MCF2: variants seen among roughly 807,000 people sequenced by gnomAD.
MCF2 encodes proto-oncogene DBL.
MCF2 carries 44 observed loss-of-function variants against 82.5 expected under a neutral mutation model. The observed-to-expected ratio is 0.53, with a 90% CI of 0.42 to 0.69. The LOEUF (loss-of-function observed/expected upper bound fraction) is 0.69, where lower values mean the gene tolerates loss of function less well. Among genes scored for constraint, MCF2 ranks in the 30% least tolerant of loss-of-function variants. The pLI is 0.00. For synonymous variants in MCF2, 217 were observed against 224.9 expected (o/e 0.96, Z 0.32); for missense variants, 623 against 663.1 (o/e 0.94, Z 0.66).
chrX:139,704,446 T>C (rs1164244739), intron 1 of MCF2, among the ~76,000 whole-genome samples: 3 of 111,991 alleles, frequency 2.7e-5, no homozygotes, highest in Non-Finnish European at 3.8e-5. Context: ...GATACAAAAT[T>C]AATGTACAAA....
intron 6 of MCF2, among the ~76,000 whole-genome samples, chrX:139,623,506 A>G (rs1030771131): frequency 6.6e-4 from 74 of 111,940 alleles, no homozygotes; most frequent in African/African-American, 2.2e-3. Flanking sequence ...GTTGTCACTT[A>G]TAAGTGGAAG....
intron 1 of MCF2, among the ~76,000 whole-genome samples, chrX:139,675,629 G>A (rs1035016084): frequency 4.5e-5 from 5 of 112,257 alleles, no homozygotes; most frequent in South Asian, 3.7e-4. Flanking sequence ...TATCACCAGC[G>A]GAGGCTGCAG....
At chrX:139,657,936 A>T (rs1340295293) in intron 1 of MCF2, among the ~76,000 whole-genome samples, 1 of 111,942 alleles carries the variant, frequency 8.9e-6, no homozygotes, top group Non-Finnish European at 1.9e-5. Context: ...TCCTATCATT[A>T]ATAGCATTCA....
At position 139,609,558 on chromosome X, in the gene MCF2, A is replaced by AAG. The variant is rs1556025451; in HGVS notation, c.1401+741_1401+742dup. The stretch of plus-strand genomic sequence containing the variant: ...AGCGAGACCCTGTCTCAAAAAAAAA[A>AAG]AGAGAGAGAGAAAAGAAAATGTGGG... On this transcript the variant is annotated intron_variant, in intron 11 of 24. Transcript: ENST00000370576. Among the ~76,000 whole-genome samples the AAG allele has an allele frequency of 1.6e-4, 18 of 110,488 alleles. No homozygotes were observed. In the East Asian group the frequency reaches 4.6e-3, roughly 28 times the overall value.
chrX:139,601,748 C>G (rs1242254004), intron 16 of MCF2, among the ~76,000 whole-genome samples: 1 of 110,985 alleles, frequency 9.0e-6, no homozygotes, highest in South Asian at 3.8e-4. Context: ...CGCAACAAGC[C>G]TAGTGAGTCT....
chrX:139,698,915 T>C (rs1010683934), intron 1 of MCF2, among the ~76,000 whole-genome samples: 1 of 111,732 alleles, frequency 8.9e-6, no homozygotes, highest in Admixed American at 9.6e-5. Context: ...ATAATGTTTG[T>C]AAGCACTTTT....
At chrX:139,642,684 A>G in exon 1 of MCF2, 1 of 749,147 alleles carries the variant, frequency 1.3e-6, no homozygotes, top group East Asian at 5.0e-5. Context: ...CTGGGGAGGA[A>G]AAAAAAAAAA....
intron 3 of MCF2, among the ~76,000 whole-genome samples, 176 bp from the exon 7 acceptor site, chrX:139,630,020 C>G: frequency 9.0e-6 from 1 of 111,711 alleles, no homozygotes. Context: ...AACTCTTCAT[C>G]TAAAACTCTA....
chrX:139,666,644 C>T (rs1193097373), intron 1 of MCF2, among the ~76,000 whole-genome samples: 3 of 111,214 alleles, frequency 2.7e-5, no homozygotes, highest in Non-Finnish European at 5.7e-5. Flanking sequence ...GAATTCACTC[C>T]TTATCTTTGA....
rs868147481 is a variant in MCF2, at chrX:139,592,543, C to T, written c.2278-2616G>A. 2.7e-5 allele frequency among the ~76,000 whole-genome samples: 3 copies of T among 111,666 alleles called. No individual in the cohort carries two copies. The South Asian group carries it at 1.1e-3, about 42-fold the overall frequency. ...ATCAAATGCATTTGGGTCAAATATG[C>T]CTATGAAGGTAAAGTACCTTCCCAA... On this transcript the variant is annotated intron_variant, in intron 19 of 24. Transcript: ENST00000370576.
intron 1 of MCF2, among the ~76,000 whole-genome samples, chrX:139,632,943 T>A (rs1932999654): frequency 8.9e-6 from 1 of 112,010 alleles, no homozygotes; most frequent in Non-Finnish European, 1.9e-5. Flanking sequence ...CTACTTCATG[T>A]ATTTAAATGA....
chrX:139,602,493 A>T, exon 16 of MCF2: 4 of 1,166,498 alleles, frequency 3.4e-6, no homozygotes, highest in Non-Finnish European at 4.7e-6. Flanking sequence ...TCTGAAAATC[A>T]TCCTTCTGTG....
At chrX:139,602,360 A>G (rs764794445) in intron 16 of MCF2, 46 bp downstream of exon 20, 2 of 945,139 alleles carry the variant, frequency 2.1e-6, no homozygotes, top group Non-Finnish European at 3.0e-6. Context: ...AAATACCGCA[A>G]TATCTTCCAG....
At chrX:139,694,329 G>A (rs1432380503) in intron 1 of MCF2, among the ~76,000 whole-genome samples, 1 of 107,693 alleles carries the variant, frequency 9.3e-6, no homozygotes, top group East Asian at 2.9e-4. Flanking sequence ...TCACAAATGG[G>A]AGGTTATTTA....
At chrX:139,650,892 A>G (rs1295423372) in intron 2 of MCF2, among the ~76,000 whole-genome samples, 1 of 112,093 alleles carries the variant, frequency 8.9e-6, no homozygotes, top group Non-Finnish European at 1.9e-5. Context: ...CATCGATGAA[A>G]CTTGAAGACC....
chrX:139,652,358 C>G (rs902167506), intron 1 of MCF2, among the ~76,000 whole-genome samples: 6 of 111,362 alleles, frequency 5.4e-5, no homozygotes, highest in African/African-American at 6.5e-5. Flanking sequence ...GTTAGTTAGC[C>G]TCTCTAAACC....
intron 1 of MCF2, among the ~76,000 whole-genome samples, chrX:139,689,997 A>G (rs955166251): frequency 5.3e-5 from 6 of 112,654 alleles, no homozygotes; most frequent in African/African-American, 1.9e-4. Flanking sequence ...GCTTCGAAGT[A>G]TATGGAAATC....
intron 16 of MCF2, among the ~76,000 whole-genome samples, chrX:139,599,193 T>C (rs1930341117): frequency 9.3e-6 from 1 of 107,263 alleles, no homozygotes; most frequent in Non-Finnish European, 1.9e-5. Flanking sequence ...CTAATTCAAA[T>C]GAGACTTAAA....
At chrX:139,620,171 C>T (rs1404998685) in intron 6 of MCF2, among the ~76,000 whole-genome samples, 3 of 109,685 alleles carry the variant, frequency 2.7e-5, no homozygotes, top group Admixed American at 9.8e-5. Flanking sequence ...CCCACCCAGA[C>T]CTTGGTCTTT....
Sources: gnomAD v4.1 joint callset for allele counts (sites outside exome capture counted in the v4.1 genomes callset) on GRCh38, gnomAD v4.1.1 for gene constraint, MANE v1.5 for transcripts, NCBI Gene and HGNC (gene_info 2026-07-23, HGNC 2026-07-21) for gene names.